CDKN2B-AS1: variants seen among roughly 807,000 people sequenced by gnomAD.
CDKN2B-AS1 encodes the protein CDKN2B and CDKN2A antisense cis and trans regulatory RNA 1.
At chr9:22,025,074 G>A (rs1419256138) in intron 1 of CDKN2B-AS1, among the ~76,000 whole-genome samples, 2 of 152,336 alleles carry the variant, frequency 1.3e-5, no homozygotes, top group Admixed American at 6.5e-5. Context: ...ATGCACTGCT[G>A]TAGACACTCC....
intron 4 of CDKN2B-AS1, among the ~76,000 whole-genome samples, chr9:22,061,667 T>C (rs1823826531): frequency 6.6e-6 from 1 of 152,132 alleles, no homozygotes; most frequent in Admixed American, 6.5e-5. Context: ...CAGAATATTA[T>C]TATTAATATA....
At chr9:22,002,984 G>A (rs1820986589) in intron 1 of CDKN2B-AS1, 1 of 199,792 alleles carries the variant, frequency 5.0e-6, no homozygotes, top group African/African-American at 2.3e-5. Context: ...ACAAACCTTG[G>A]TAATGTCTTA....
At chr9:22,067,293 C>A (rs562145177) in intron 4 of CDKN2B-AS1, among the ~76,000 whole-genome samples, 1 of 152,126 alleles carries the variant, frequency 6.6e-6, no homozygotes, top group East Asian at 1.9e-4. Context: ...AAGAGCAGAT[C>A]AGAATGTTGT....
chr9:22,016,240 G>A (rs1262009274), intron 1 of CDKN2B-AS1, among the ~76,000 whole-genome samples: 1 of 152,082 alleles, frequency 6.6e-6, no homozygotes. Context: ...TCTAATACAA[G>A]GGACGTGAAG....
rs182269086 is a variant in CDKN2B-AS1 at position 22,077,600 on chromosome 9, C to T, written n.438+21213C>T. ...CAGAATAGTCACCTGAGGCTAGTGA[C>T]AACGCTTTTGGATCACAGGAAAGAA... On this transcript the variant is annotated intron_variant and non_coding_transcript_variant, in intron 4 of 4. Coordinates refer to ENST00000650946, the Ensembl canonical transcript of CDKN2B-AS1. 5.9e-5 allele frequency: 9 copies of T among 152,240 alleles called. No homozygotes were observed. The East Asian group carries it at 1.7e-3, about 29-fold the overall frequency. The allele number at this position is 152,240 out of a possible 1,614,324, so 9.4% of individuals were successfully genotyped here.
chr9:22,025,222 T>C (rs796382890), intron 1 of CDKN2B-AS1, among the ~76,000 whole-genome samples: 121 of 152,242 alleles, frequency 7.9e-4, no homozygotes, highest in African/African-American at 2.7e-3. Context: ...GTCTGTGCTA[T>C]GGGCCCAAGC....
intron 1 of CDKN2B-AS1, among the ~76,000 whole-genome samples, chr9:22,027,882 A>G (rs1822306223): frequency 6.6e-6 from 1 of 152,200 alleles, no homozygotes; most frequent in South Asian, 2.1e-4. Context: ...GGAATAATTA[A>G]AAGAGGCTAT....
intron 4 of CDKN2B-AS1, among the ~76,000 whole-genome samples, chr9:22,092,629 C>T (rs1420244466): frequency 6.6e-6 from 1 of 152,116 alleles, no homozygotes; most frequent in African/African-American, 2.4e-5. Context: ...TTATAGTATT[C>T]TCTGATGGTA....
At chr9:22,062,976 G>GACAGACACAC (rs1554672651) in intron 4 of CDKN2B-AS1, among the ~76,000 whole-genome samples, 2 of 125,324 alleles carry the variant, frequency 1.6e-5, no homozygotes, top group African/African-American at 6.2e-5. Context: ...GTGAAAGACA[G>GACAGACACAC]ACACACACAC....
At chr9:22,095,972 A>G (rs1278566450) in intron 4 of CDKN2B-AS1, among the ~76,000 whole-genome samples, 1 of 151,938 alleles carries the variant, frequency 6.6e-6, no homozygotes, top group Non-Finnish European at 1.5e-5. Flanking sequence ...TTTTGAGCCT[A>G]TGTGTGTTTC....
At chr9:22,069,044 C>T (rs1244270692) in intron 4 of CDKN2B-AS1, among the ~76,000 whole-genome samples, 1 of 152,168 alleles carries the variant, frequency 6.6e-6, no homozygotes, top group Non-Finnish European at 1.5e-5. Context: ...TGGTTAGTCC[C>T]CTGTCATTGC....
Position 22,012,147 on chromosome 9 carries a change from A to C in CDKN2B-AS1, n.29+16986A>C. On this transcript the variant is annotated intron_variant and non_coding_transcript_variant, in intron 1 of 4. Coordinates refer to ENST00000650946, the Ensembl canonical transcript of CDKN2B-AS1. Reference sequence around the variant, plus strand: ...CTTCAGCGAGGCAGCCGAGCTGCAGACACAGAGATGCAGATCTTTGTGAAG... The same window carrying C: ...CTTCAGCGAGGCAGCCGAGCTGCAGCCACAGAGATGCAGATCTTTGTGAAG... The C allele has an allele frequency of 2.5e-6, 3 of 1,221,414 alleles. No individual in the cohort carries two copies. In the Admixed American group the frequency reaches 5.2e-5, roughly 21 times the overall value. The allele number at this position is 1,221,414 out of a possible 1,614,324, so 75.7% of individuals were successfully genotyped here. A position where few individuals can be genotyped will look rare whatever the true frequency, so the allele number is the denominator to read the frequency against.
chr9:22,051,200 A>T (rs1416859027), intron 3 of CDKN2B-AS1, among the ~76,000 whole-genome samples: 2 of 152,142 alleles, frequency 1.3e-5, no homozygotes, highest in Admixed American at 1.3e-4. Context: ...GCTGAAAATG[A>T]AAGAGACATT....
chr9:22,014,103 T>C (rs1821633646), intron 1 of CDKN2B-AS1, among the ~76,000 whole-genome samples: 1 of 152,184 alleles, frequency 6.6e-6, no homozygotes, highest in Non-Finnish European at 1.5e-5. Context: ...GGCAAAATGG[T>C]GATATTCTAA....
At chr9:21,998,162 G>A (rs1318193733) in intron 1 of CDKN2B-AS1, among the ~76,000 whole-genome samples, 2 of 152,158 alleles carry the variant, frequency 1.3e-5, no homozygotes, top group African/African-American at 2.4e-5. Flanking sequence ...AGTATGCAGG[G>A]GAATTCTAAG....
At chr9:22,079,300 A>G (rs546365272) in intron 4 of CDKN2B-AS1, among the ~76,000 whole-genome samples, 4 of 152,188 alleles carry the variant, frequency 2.6e-5, no homozygotes, top group African/African-American at 9.7e-5. Context: ...CCTGGCCAAC[A>G]TGGTGAAAAC....
intron 4 of CDKN2B-AS1, among the ~76,000 whole-genome samples, chr9:22,106,417 A>C (rs1476063072): frequency 6.6e-6 from 1 of 152,092 alleles, no homozygotes; most frequent in Non-Finnish European, 1.5e-5. Flanking sequence ...GGATTACACC[A>C]TGTTGACCAG....
At chr9:22,094,467 G>T (rs1352643353) in intron 4 of CDKN2B-AS1, among the ~76,000 whole-genome samples, 1 of 144,584 alleles carries the variant, frequency 6.9e-6, no homozygotes, top group Non-Finnish European at 1.5e-5. Context: ...ATCAGAAGTA[G>T]ATTTGGTCTT....
intron 4 of CDKN2B-AS1, among the ~76,000 whole-genome samples, chr9:22,104,347 A>G (rs541803217): frequency 6.6e-6 from 1 of 152,226 alleles, no homozygotes; most frequent in Non-Finnish European, 1.5e-5. Flanking sequence ...AGATTATGGA[A>G]GTGACTTTTC....
Sources: allele counts gnomAD v4.1 joint callset (sites outside exome capture counted in the v4.1 genomes callset), GRCh38; gene constraint gnomAD v4.1.1; transcripts MANE v1.5; gene names NCBI Gene and HGNC (gene_info 2026-07-23, HGNC 2026-07-21).